The following RAB27A variants were observed in gnomAD, a reference collection of about 807,000 sequenced individuals.
RAB27A encodes ras-related protein Rab-27A.
In RAB27A, 17 loss-of-function variants were observed where a neutral mutation model predicts 20.8. The observed-to-expected ratio is 0.82, with a 90% CI of 0.56 to 1.23. The LOEUF (loss-of-function observed/expected upper bound fraction) is 1.23. RAB27A is among the 50% of genes most tolerant of loss of function. RAB27A has a pLI of 0.00. For missense variants in RAB27A, 277 were observed against 266.7 expected (o/e 1.04, Z -0.27); for synonymous variants, 85 against 92.8 (o/e 0.92, Z 0.48).
At chr15:55,298,333 G>C (rs1020777750) in intron 2 of RAB27A, among the ~76,000 whole-genome samples, 3 of 152,102 alleles carry the variant, frequency 2.0e-5, no homozygotes, top group East Asian at 1.9e-4. Flanking sequence ...GTACAAAAGA[G>C]AGAAATTTTA....
At chr15:55,209,772 A>G (rs1273676224) in intron 6 of RAB27A, among the ~76,000 whole-genome samples, 1 of 112,510 alleles carries the variant, frequency 8.9e-6, no homozygotes, top group Non-Finnish European at 1.7e-5. Flanking sequence ...GTACATATAC[A>G]TATATACACA....
chr15:55,310,984 T>C (rs2055017897), intron 2 of RAB27A, among the ~76,000 whole-genome samples: 1 of 152,204 alleles, frequency 6.6e-6, no homozygotes, highest in South Asian at 2.1e-4. Flanking sequence ...TCCTTAGTCC[T>C]TCTAATACGC....
chr15:55,236,404 G>C (rs773474798), intron 2 of RAB27A, among the ~76,000 whole-genome samples: 9 of 152,122 alleles, frequency 5.9e-5, no homozygotes, highest in African/African-American at 9.7e-5. Context: ...TGGGAACTGA[G>C]TTCCAGATTT....
At chr15:55,278,728 C>T (rs1051770468) in intron 1 of RAB27A, among the ~76,000 whole-genome samples, 3 of 152,016 alleles carry the variant, frequency 2.0e-5, no homozygotes, top group African/African-American at 4.8e-5. Context: ...GTGATCTGCC[C>T]GCCTCAGCCT....
At chr15:55,217,663 CAAAAAAAAAAAAAAAAAAAAAA>C (rs199813098) in intron 6 of RAB27A, among the ~76,000 whole-genome samples, 1 of 43,544 alleles carries the variant, frequency 2.3e-5, no homozygotes, top group African/African-American at 8.8e-5. Context: ...CACTCCATCT[CAAAAAAAAAAAAAAAAAAAAAA>C]AAAAAAAAAA....
At chr15:55,294,155 G>C (rs2054937513), upstream of RAB27A, among the ~76,000 whole-genome samples, 1 of 151,938 alleles carries the variant, frequency 6.6e-6, no homozygotes, top group African/African-American at 2.4e-5. Flanking sequence ...CTATGGTATT[G>C]ATATAAAGAC....
chr15:55,275,400 G>T (rs984796235), intron 1 of RAB27A, among the ~76,000 whole-genome samples: 1 of 152,136 alleles, frequency 6.6e-6, no homozygotes, highest in African/African-American at 2.4e-5. Flanking sequence ...CCCAAAGAGG[G>T]CAGATCACTT....
intron 2 of RAB27A, among the ~76,000 whole-genome samples, chr15:55,262,327 G>C (rs1423738697): frequency 6.6e-6 from 1 of 152,000 alleles, no homozygotes; most frequent in Admixed American, 6.6e-5. Flanking sequence ...GAATCACAAT[G>C]TCAGGAGATC....
At chr15:55,313,910 T>C (rs1160564472) in intron 2 of RAB27A, 1 of 151,816 alleles carries the variant, frequency 6.6e-6, no homozygotes, top group Non-Finnish European at 1.5e-5. Flanking sequence ...AAGGTGGAGG[T>C]TGCAGTGAGC....
rs1466620676 is a variant in RAB27A, at chr15:55,234,880, C to A, written c.55G>T (p.Gly19Cys). ...LIKFLALGDS[G>C]VGKTSVLYQY... ...TAAAGTACACTGGTCTTCCCTACAC[C>A]AGAGTCTCCCAAAGCTAAAAACTTG... The change falls in exon 3 of 7, where the codon GGT (glycine) becomes TGT (cysteine). Residue 19 changes from glycine (G) to cysteine (C), a missense_variant. Physicochemically the swap from Gly to Cys is radical, Grantham distance 159 (BLOSUM62 -3). Transcript: ENST00000336787. 10 of 1,612,444 alleles carry A rather than the reference C, an allele frequency of 6.2e-6. No individual in the cohort carries two copies. Among genetic ancestry groups the A allele is most frequent in the Non-Finnish European group, 6.8e-6 (8 of 1,178,970 alleles).
chr15:55,238,814 G>A (rs556899877), intron 2 of RAB27A, among the ~76,000 whole-genome samples: 40 of 140,028 alleles, frequency 2.9e-4, no homozygotes, highest in African/African-American at 1.2e-3. Flanking sequence ...ATTTAATACA[G>A]ATATGTTTAC....
chr15:55,260,882 C>A (rs1047654787), intron 2 of RAB27A, among the ~76,000 whole-genome samples: 1 of 151,936 alleles, frequency 6.6e-6, no homozygotes, highest in African/African-American at 2.4e-5. Context: ...GTATACATAC[C>A]CATAGAATGT....
At chr15:55,210,062 G>A (rs758316123) in intron 6 of RAB27A, among the ~76,000 whole-genome samples, 36,548 of 140,964 alleles carry the variant, frequency 0.26, 6,267 homozygotes, top group African/African-American at 0.49. Flanking sequence ...ATACACATAT[G>A]TGTGTGTACA....
Position 55,220,372 on chromosome 15 carries a change from C to T in RAB27A, c.467+3517G>A, listed in dbSNP as rs561453394. 2.1e-3 allele frequency among the ~76,000 whole-genome samples: 316 copies of T among 152,208 alleles called. 4 individuals are homozygous for T. Among genetic ancestry groups the T allele is most frequent in the African/African-American group, 7.2e-3 (299 of 41,538 alleles). On this transcript the variant is annotated intron_variant, in intron 6 of 6. Transcript: ENST00000336787. ...AACCTCTGCCTTACCAGGGTTCAAG[C>T]GATTCTCCTGCCTCAGCCTCCCAAG...
intron 2 of RAB27A, among the ~76,000 whole-genome samples, chr15:55,308,099 C>T (rs758979759): frequency 2.4e-4 from 36 of 152,246 alleles, no homozygotes; most frequent in African/African-American, 6.5e-4. Flanking sequence ...CCCCATACTA[C>T]GGGTCCTTTT....
At chr15:55,242,745 G>C (rs1228240553) in intron 2 of RAB27A, among the ~76,000 whole-genome samples, 3 of 152,076 alleles carry the variant, frequency 2.0e-5, no homozygotes, top group African/African-American at 7.2e-5. Context: ...AGTTGTATCT[G>C]GGTGATTTTT....
chr15:55,239,634 G>T (rs1192328583), intron 2 of RAB27A, among the ~76,000 whole-genome samples: 1 of 152,082 alleles, frequency 6.6e-6, no homozygotes, highest in African/African-American at 2.4e-5. Flanking sequence ...CATTTTACCT[G>T]AAAGACCTGG....
At chr15:55,271,551 T>C (rs532146438) in intron 1 of RAB27A, among the ~76,000 whole-genome samples, 24 of 152,382 alleles carry the variant, frequency 1.6e-4, no homozygotes, top group Non-Finnish European at 3.2e-4. Flanking sequence ...CCAGCAATGC[T>C]GAGCTGGATA....
intron 1 of RAB27A, among the ~76,000 whole-genome samples, chr15:55,278,052 ATT>A (rs2141114780): frequency 6.6e-6 from 1 of 152,334 alleles, no homozygotes; most frequent in South Asian, 2.1e-4. Context: ...TCACTTGCAT[ATT>A]GTTATTATCA....
Sources: allele counts gnomAD v4.1 joint callset (sites outside exome capture counted in the v4.1 genomes callset), GRCh38; gene constraint gnomAD v4.1.1; transcripts MANE v1.5; gene names NCBI Gene and HGNC (gene_info 2026-07-23, HGNC 2026-07-21).